STT3B: variants seen among roughly 807,000 people sequenced by gnomAD.
STT3B encodes the protein dolichyl-diphosphooligosaccharide--protein glycosyltransferase subunit STT3B.
A neutral mutation model predicts 96.8 loss-of-function variants in STT3B; 29 were observed. The ratio of observed to expected loss-of-function variants is 0.30; its 90% CI spans 0.22 to 0.41. The LOEUF (loss-of-function observed/expected upper bound fraction) is 0.41, where lower values mean the gene tolerates loss of function less well. STT3B is among the 10% of genes least tolerant of loss of function. The pLI is 1.00. For synonymous variants in STT3B, 367 were observed against 360.0 expected, an observed-to-expected ratio of 1.02 and a Z score of -0.22; for missense variants, 640 against 1,022.3, an observed-to-expected ratio of 0.63 and a Z score of 5.10.
chr3:31,534,371 T>TC (rs1019242565), intron 1 of STT3B, among the ~76,000 whole-genome samples: 4 of 152,230 alleles, frequency 2.6e-5, no homozygotes, highest in African/African-American at 7.2e-5. Context: ...AACTTTTTTT[T>TC]CGCAACTTGC....
chr3:31,578,008 T>C (rs1698297981), intron 2 of STT3B, among the ~76,000 whole-genome samples: 2 of 152,254 alleles, frequency 1.3e-5, no homozygotes, highest in Middle Eastern at 3.4e-3. Context: ...TGGAGAATTT[T>C]AGGGGTTTCA....
chr3:31,594,802 A>G (rs1434019675), intron 3 of STT3B, among the ~76,000 whole-genome samples: 1 of 152,156 alleles, frequency 6.6e-6, no homozygotes, highest in East Asian at 1.9e-4. Flanking sequence ...GCTTATTATG[A>G]AAGATACCCT....
At chr3:31,547,681 A>C (rs1325845804) in intron 1 of STT3B, among the ~76,000 whole-genome samples, 1 of 152,230 alleles carries the variant, frequency 6.6e-6, no homozygotes, top group Non-Finnish European at 1.5e-5. Flanking sequence ...AGTACAACTC[A>C]GTTGGTTTAA....
rs181716943 is a variant in STT3B, at chr3:31,629,979, A to G, written c.2187+568A>G. Among the ~76,000 whole-genome samples, 290 of 152,346 alleles carry G rather than the reference A, an allele frequency of 1.9e-3. 2 individuals carry two copies. The highest frequency in any genetic ancestry group is 4.4e-3 in the Admixed American group (68 of 15,306). On this transcript the variant is annotated intron_variant, in intron 14 of 15. Coordinates refer to ENST00000295770, the MANE Select transcript of STT3B (RefSeq NM_178862.3). Reference sequence around the variant, plus strand: ...AAGAAGAAACAATGGACTTGATGTCATAACACCTGTGTTTTCGATCAGGTT... The same window carrying G: ...AAGAAGAAACAATGGACTTGATGTCGTAACACCTGTGTTTTCGATCAGGTT...
chr3:31,620,560 C>T (rs6550062), intron 9 of STT3B, among the ~76,000 whole-genome samples: 140,077 of 152,260 alleles, frequency 0.92, 64,613 homozygotes, highest in East Asian at 0.96. Flanking sequence ...TCTTCATTGA[C>T]AGATTTGTAT....
chr3:31,553,101 CAAAAAA>C (rs558668757), intron 1 of STT3B, among the ~76,000 whole-genome samples: 1 of 63,116 alleles, frequency 1.6e-5, no homozygotes, highest in East Asian at 3.3e-4. Context: ...AACTCCGTCT[CAAAAAA>C]AAAAAAAAAA....
At chr3:31,618,219 C>G (rs1699351738) in intron 8 of STT3B, among the ~76,000 whole-genome samples, 1 of 151,960 alleles carries the variant, frequency 6.6e-6, no homozygotes, top group African/African-American at 2.4e-5. Flanking sequence ...ATGGGCAACT[C>G]CTTGTTTCCG....
chr3:31,583,498 A>C (rs1479482541), intron 3 of STT3B, among the ~76,000 whole-genome samples: 2 of 151,718 alleles, frequency 1.3e-5, no homozygotes, highest in African/African-American at 4.8e-5. Context: ...TTTTGTTTTG[A>C]ATTTTATAGA....
At chr3:31,624,091 T>C (rs1699482599) in intron 11 of STT3B, among the ~76,000 whole-genome samples, 1 of 152,174 alleles carries the variant, frequency 6.6e-6, no homozygotes, top group African/African-American at 2.4e-5. Context: ...AAAATGGGGT[T>C]TCCATCCCCT....
At chr3:31,603,052 C>T (rs555810278) in intron 5 of STT3B, among the ~76,000 whole-genome samples, 9 of 152,036 alleles carry the variant, frequency 5.9e-5, no homozygotes, top group South Asian at 2.1e-4. Flanking sequence ...GATTTTGGCA[C>T]GTAACATCCT....
At chr3:31,622,434 G>T (rs904436491) in intron 10 of STT3B, 126 bp downstream of exon 10, 5 of 816,744 alleles carry the variant, frequency 6.1e-6, no homozygotes, top group Non-Finnish European at 7.7e-6. Flanking sequence ...GACTTTTCTA[G>T]TTGGTCTCCA....
intron 3 of STT3B, among the ~76,000 whole-genome samples, chr3:31,587,631 A>G (rs541057596): frequency 6.6e-6 from 1 of 152,132 alleles, no homozygotes; most frequent in Non-Finnish European, 1.5e-5. Flanking sequence ...ATTCCAGTGT[A>G]TGGTTATCAC....
intron 1 of STT3B, among the ~76,000 whole-genome samples, chr3:31,551,542 G>C (rs954300106): frequency 6.6e-6 from 1 of 152,042 alleles, no homozygotes; most frequent in Non-Finnish European, 1.5e-5. Flanking sequence ...TTATGCTTAC[G>C]TTAGCATCCA....
At chr3:31,620,241 C>G (rs1364513331) in intron 9 of STT3B, 5 of 166,258 alleles carry the variant, frequency 3.0e-5, no homozygotes, top group Non-Finnish European at 6.4e-5. Flanking sequence ...AGCCACTGCA[C>G]TCCACCCTGG....
chr3:31,539,407 CT>C (rs1697176597), intron 1 of STT3B, among the ~76,000 whole-genome samples: 1 of 152,134 alleles, frequency 6.6e-6, no homozygotes, highest in Non-Finnish European at 1.5e-5. Context: ...GAGGTAACAT[CT>C]TTTATTTCCA....
chr3:31,622,041 C>T (rs1054980595), intron 9 of STT3B, 56 bp from the exon 10 acceptor site: 27 of 1,422,588 alleles, frequency 1.9e-5, no homozygotes, highest in Non-Finnish European at 2.7e-5. Context: ...GTATCTAGTT[C>T]AGTTTCCTGG....
chr3:31,542,469 A>G (rs770183858), intron 1 of STT3B, among the ~76,000 whole-genome samples: 1 of 152,200 alleles, frequency 6.6e-6, no homozygotes, highest in Admixed American at 6.5e-5. Context: ...GTCATAGTTA[A>G]TTCTTTGTTG....
At chr3:31,614,184 A>G (rs1004802670) in intron 5 of STT3B, among the ~76,000 whole-genome samples, 2 of 152,034 alleles carry the variant, frequency 1.3e-5, no homozygotes, top group African/African-American at 4.8e-5. Flanking sequence ...TGTATTCCTA[A>G]ATATACCCCC....
chr3:31,557,559 C>T (rs1353116215), intron 1 of STT3B, among the ~76,000 whole-genome samples: 3 of 151,838 alleles, frequency 2.0e-5, no homozygotes, highest in Non-Finnish European at 1.5e-5. Context: ...ATCATTGTTG[C>T]GTAGTTTTCC....
Sources: gnomAD v4.1 joint callset for allele counts (sites outside exome capture counted in the v4.1 genomes callset) on GRCh38, gnomAD v4.1.1 for gene constraint, MANE v1.5 for transcripts, NCBI Gene and HGNC (gene_info 2026-07-23, HGNC 2026-07-21) for gene names.